The following SQLE variants were observed in gnomAD, a reference collection of about 807,000 sequenced individuals.
SQLE encodes the protein squalene monooxygenase.
Under a neutral mutation model 60.7 loss-of-function variants are expected in SQLE, and 29 were observed. The ratio of observed to expected loss-of-function variants is 0.48; its 90% CI spans 0.36 to 0.65. The LOEUF (loss-of-function observed/expected upper bound fraction) is 0.65, where lower values mean the gene tolerates loss of function less well. Among genes scored for constraint, SQLE ranks in the 30% least tolerant of loss-of-function variants. The pLI, the probability that SQLE is intolerant of heterozygous loss-of-function variation, is 0.00. For synonymous variants in SQLE, 237 were observed against 246.8 expected, an observed-to-expected ratio of 0.96 and a Z score of 0.37; for missense variants, 605 against 684.1, an observed-to-expected ratio of 0.88 and a Z score of 1.29.
rs201152386 is a variant in SQLE, at chr8:124,999,444, A to C, written c.41A>C (p.Tyr14Ser). The C allele has an allele frequency of 2.0e-5, 30 of 1,528,466 alleles. No individual in the cohort carries two copies. In the East Asian group the frequency reaches 6.1e-4, roughly 31 times the overall value. The allele number at this position is 1,528,466 out of a possible 1,614,324, so 94.7% of individuals were successfully genotyped here. ...GGCATTGCCACTTTCACCTATTTTT[A>C]TAAGAAGTTCGGGGACTTCATCACT... ...FLGIATFTYF[Y>S]KKFGDFITLA... is the part of the protein sequence containing the mutation. Residue 14 changes from tyrosine to serine, a missense_variant, in exon 1 of 11, where the codon TAT becomes TCT. Physicochemically the swap from Tyr to Ser is moderately radical, Grantham distance 144 (BLOSUM62 -2). Coordinates refer to ENST00000265896, the MANE Select transcript of SQLE (RefSeq NM_003129.4).
At chr8:125,001,703 C>T (rs1814858049) in intron 1 of SQLE, among the ~76,000 whole-genome samples, 1 of 151,638 alleles carries the variant, frequency 6.6e-6, no homozygotes, top group South Asian at 2.1e-4. Context: ...AGACAAATTC[C>T]CAGTCCACTA....
rs1045555023 is a variant in SQLE, at chr8:124,999,587, C to T, written c.184C>T (p.Gln62Ter). ...GLLGRQQSGS[Q>*]FALFSDILSG... ...CCTCGGGCGCCAGCAGAGCGGCTCC[C>T]AGTTCGCCCTCTTCTCGGATATTCT... The change falls in exon 1 of 11, where the codon CAG becomes TAG. Residue 62 changes from glutamine to a stop codon, truncating the protein, a stop_gained. Coordinates refer to ENST00000265896, the MANE Select transcript of SQLE (RefSeq NM_003129.4). LOFTEE classifies it high-confidence loss of function. 2 of 1,613,642 alleles carry T rather than the reference C, an allele frequency of 1.2e-6. No homozygotes were observed. Among genetic ancestry groups the T allele is most frequent in the Non-Finnish European group, 1.7e-6 (2 of 1,179,770 alleles).
At chr8:125,005,791 T>G in intron 3 of SQLE, 86 bp downstream of exon 3, 1 of 1,231,188 alleles carries the variant, frequency 8.1e-7, no homozygotes, top group Admixed American at 3.2e-5. Flanking sequence ...TTATAAATTT[T>G]AATGAATTTT....
In SQLE at chr8:125,003,124, AT is replaced by A. The variant is rs1380197984; in HGVS notation, c.292-49del. 86 of 1,515,438 alleles carry A rather than the reference AT, an allele frequency of 5.7e-5. 2 individuals are homozygous for A. The South Asian group carries it at 8.6e-4, about 15-fold the overall frequency. 93.9% of individuals were successfully genotyped at this position (1,515,438 alleles called of 1,614,324 possible). A position where few individuals can be genotyped will look rare whatever the true frequency, so the allele number is the denominator to read the frequency against. ...AGTGTGTCCACATAGCGGTAGCATGATTTGAATCTAACAAATTTGGATACCT... is the reference window on the plus strand; with the variant it reads ...AGTGTGTCCACATAGCGGTAGCATGATTGAATCTAACAAATTTGGATACCT... On this transcript the variant is annotated intron_variant, in intron 1 of 10. Transcript: ENST00000265896.
chr8:125,005,095 G>A (rs1475892191), intron 2 of SQLE, among the ~76,000 whole-genome samples: 2 of 151,714 alleles, frequency 1.3e-5, no homozygotes, highest in African/African-American at 4.8e-5. Context: ...TATAAATTGG[G>A]GTTTTTTTTT....
chr8:125,011,160 A>G (rs1815035125), intron 6 of SQLE: 1 of 155,218 alleles, frequency 6.4e-6, no homozygotes, highest in African/African-American at 2.4e-5. Context: ...TCATCTGATT[A>G]TTACAAGAAT....
rs1814810156 is a variant in SQLE at position 124,999,683 on chromosome 8, G to C, written c.280G>C (p.Glu94Gln). 3.8e-6 allele frequency: 6 copies of C among 1,590,906 alleles called. No individual in the cohort carries two copies. The East Asian group carries it at 1.3e-4, about 36-fold the overall frequency. ...PPESENKEQLEARRRRKGTNI... is the reference protein window; with the variant it reads ...PPESENKEQLQARRRRKGTNI... ...TGAATCAGAAAATAAGGAGCAGCTC[G>C]AGGCCAGGAGGGTAGGTTGATTTCA... is the stretch of plus-strand genomic sequence containing the variant. Residue 94 changes from glutamate to glutamine, a missense_variant, in exon 1 of 11, where the codon GAG (glutamate) becomes CAG (glutamine). Coordinates refer to ENST00000265896, the MANE Select transcript of SQLE (RefSeq NM_003129.4).
intron 7 of SQLE, among the ~76,000 whole-genome samples, chr8:125,015,619 A>G (rs1815098884): frequency 6.6e-6 from 1 of 152,184 alleles, no homozygotes; most frequent in African/African-American, 2.4e-5. Context: ...ACTGATGACA[A>G]CTGATTCCAC....
chr8:125,009,363 G>A lies in SQLE; in HGVS notation c.1108+20G>A. On this transcript the variant is annotated intron_variant, in intron 6 of 10. Transcript: ENST00000265896. ...TACCTGGTAAGAAATAGCATCTTCA[G>A]TTCTTACAAAGGCTGTGTCTAAAAT... 5 of 1,598,568 alleles carry A rather than the reference G, an allele frequency of 3.1e-6. No individual in the cohort carries two copies. The highest frequency in any genetic ancestry group is 4.3e-6 in the Non-Finnish European group (5 of 1,172,016).
chr8:125,012,865 A>G (rs1399969184), intron 7 of SQLE, among the ~76,000 whole-genome samples: 1 of 152,202 alleles, frequency 6.6e-6, no homozygotes, highest in Admixed American at 6.5e-5. Flanking sequence ...TCCCAGTTAC[A>G]TTCCTTTCAG....
chr8:125,014,639 T>G (rs1815083589), intron 7 of SQLE, among the ~76,000 whole-genome samples: 1 of 152,256 alleles, frequency 6.6e-6, no homozygotes, highest in African/African-American at 2.4e-5. Flanking sequence ...ATTTTTATAT[T>G]TACTTCTTAA....
chr8:124,999,774 A>G, intron 1 of SQLE, 80 bp downstream of exon 1: 1 of 1,462,852 alleles, frequency 6.8e-7, no homozygotes, highest in East Asian at 2.4e-5. Context: ...GTTTTATTTG[A>G]ATTGCAAAAG....
At chr8:125,006,553 G>A (rs1814949660) in intron 3 of SQLE, among the ~76,000 whole-genome samples, 1 of 150,462 alleles carries the variant, frequency 6.6e-6, no homozygotes, top group Non-Finnish European at 1.5e-5. Context: ...CCCAGGAGGT[G>A]GAGGTTGCAG....
chr8:125,021,758 C>T lies in SQLE; in HGVS notation c.1538C>T (p.Ser513Phe). 6.3e-7 allele frequency: 1 copy of T among 1,597,296 alleles called. No individual in the cohort carries two copies. The highest frequency in any genetic ancestry group is 8.5e-7 in the Non-Finnish European group (1 of 1,170,936). Residue 513 changes from serine to phenylalanine, a missense_variant, in exon 11 of 11, where the codon TCT becomes TTT. By Grantham distance (155) the Ser-to-Phe change is radical. Coordinates refer to ENST00000265896, the MANE Select transcript of SQLE (RefSeq NM_003129.4). ...TGTATTTTTTTCTATTACAGATTGT[C>T]TCCTAACCCTCTAGTTTTAATTGGA... ...AGPVGLLSVL[S>F]PNPLVLIGHF...
chr8:125,003,107 CACATAGCGGT>C, intron 1 of SQLE, 59 bp from the exon 2 acceptor site: 1 of 1,451,740 alleles, frequency 6.9e-7, no homozygotes, highest in Non-Finnish European at 9.2e-7. Context: ...CCAGTGTGTC[CACATAGCGGT>C]AGCATGATTT....
In SQLE at chr8:125,016,419, ATTT is replaced by A; in HGVS notation, c.1205-1636_1205-1634del. 6.6e-6 allele frequency among the ~76,000 whole-genome samples: 1 copy of A among 151,970 alleles called. No individual in the cohort carries two copies. Among genetic ancestry groups the A allele is most frequent in the Middle Eastern group, 3.4e-3 (1 of 294 alleles). On this transcript the variant is annotated intron_variant, in intron 7 of 10. Transcript: ENST00000265896. The surrounding 1 kb of genome is among the most constrained non-coding windows in gnomAD (Gnocchi z 4.1). Reference sequence around the variant, plus strand: ...CCATGTTCTTCAGTAAGTTAATTGAATTTTTTATCTCCAGAATTTCTGCTTGAT... The same window carrying A: ...CCATGTTCTTCAGTAAGTTAATTGAATTTATCTCCAGAATTTCTGCTTGAT...
chr8:125,011,418 A>G, intron 6 of SQLE, 119 bp from the exon 7 acceptor site: 1 of 699,964 alleles, frequency 1.4e-6, no homozygotes, highest in South Asian at 2.3e-5. Context: ...CAAGGGATAT[A>G]TGTAACAACC....
intron 3 of SQLE, 122 bp downstream of exon 3, chr8:125,005,827 T>C (rs980577235): frequency 5.8e-6 from 4 of 683,814 alleles, no homozygotes; most frequent in South Asian, 5.6e-5. Context: ...AACATATGTA[T>C]ATTAAAATAA....
intron 10 of SQLE, chr8:125,021,085 G>A (rs1815196753): frequency 4.1e-6 from 2 of 486,036 alleles, no homozygotes; most frequent in Non-Finnish European, 7.4e-6. Context: ...GGTAGAGGAA[G>A]CTATAACCCT....
Sources: gnomAD v4.1 joint callset for allele counts (sites outside exome capture counted in the v4.1 genomes callset) on GRCh38, gnomAD v4.1.1 for gene constraint, Gnocchi (gnomAD v3.1) non-coding constraint, MANE v1.5 for transcripts, NCBI Gene and HGNC (gene_info 2026-07-23, HGNC 2026-07-21) for gene names.